WNK2: variants seen among roughly 807,000 people sequenced by gnomAD.
WNK2 encodes the protein serine/threonine-protein kinase WNK2.
Under a neutral mutation model 192.1 loss-of-function variants are expected in WNK2, and 67 were observed. That is an observed-to-expected ratio of 0.35 (90% CI 0.29 to 0.43). WNK2 has a LOEUF of 0.43. Ranked by LOEUF, WNK2 falls within the 20% of genes least tolerant of loss-of-function variation. WNK2 has a pLI of 1.00. For missense variants in WNK2, 2,698 were observed against 3,089.7 expected (o/e 0.87, Z 3.01); for synonymous variants, 1,439 against 1,393.9 (o/e 1.03, Z -0.72).
At chr9:93,211,183 C>T (rs1563996748) in intron 2 of WNK2, among the ~76,000 whole-genome samples, 21 of 151,830 alleles carry the variant, frequency 1.4e-4, no homozygotes, top group South Asian at 2.1e-4. Flanking sequence ...TACATCCACT[C>T]ATTCACACAC....
rs375797150 is a variant in WNK2, at chr9:93,261,800, C to T, written c.3067-14C>T. 233 of 1,579,076 alleles carry T rather than the reference C, an allele frequency of 1.5e-4. No homozygotes were observed. Among genetic ancestry groups the T allele is most frequent in the African/African-American group, 1.3e-3 (96 of 74,686 alleles). On this transcript the variant is annotated splice_polypyrimidine_tract_variant and intron_variant, in intron 12 of 29. Transcript: ENST00000427277. ...CGCCGGCCCTGACTTGCACCTTGTC[C>T]CCTGTGCCCCCAGATTCTGCTTGGC...
At chr9:93,224,521 G>A (rs1837477739) in intron 2 of WNK2, among the ~76,000 whole-genome samples, 1 of 152,240 alleles carries the variant, frequency 6.6e-6, no homozygotes, top group Non-Finnish European at 1.5e-5. Context: ...CACCCTGGCT[G>A]TGTGACTCGT....
At chr9:93,296,985 G>T in intron 23 of WNK2, among the ~76,000 whole-genome samples, 2 of 50,644 alleles carry the variant, frequency 3.9e-5, no homozygotes, top group East Asian at 5.3e-4. Flanking sequence ...TCCTCCCCTT[G>T]GCTTCCTCCC....
intron 8 of WNK2, among the ~76,000 whole-genome samples, chr9:93,250,495 G>A (rs1248804339): frequency 6.6e-6 from 1 of 152,204 alleles, no homozygotes; most frequent in African/African-American, 2.4e-5. Context: ...ACCTTGCTCT[G>A]GGATATGCTG....
chr9:93,197,787 T>C (rs1283306837), intron 2 of WNK2, among the ~76,000 whole-genome samples: 1 of 152,106 alleles, frequency 6.6e-6, no homozygotes, highest in African/African-American at 2.4e-5. Context: ...CCTCCCAAAG[T>C]GCTAGGATTA....
In WNK2 at chr9:93,289,077, G is replaced by C. The variant is rs573333947; in HGVS notation, c.4323G>C (p.Glu1441Asp). 187 of 1,607,588 alleles carry C rather than the reference G, an allele frequency of 1.2e-4. No individual in the cohort carries two copies. In the South Asian group the frequency reaches 1.9e-3, roughly 16 times the overall value. Residue 1441 changes from glutamate (E) to aspartate (D), a missense_variant, in exon 20 of 30, where the codon GAG (glutamate) becomes GAC (aspartate). By Grantham distance (45) the Glu-to-Asp change is conservative. Coordinates refer to ENST00000427277, the MANE Select transcript of WNK2 (RefSeq NM_006648.4). ...ETSQPLAETH[E>D]APLAVQPLVV... The stretch of plus-strand genomic sequence containing the variant: ...CTCAGCCACTAGCGGAGACTCACGA[G>C]GCCCCGCTTGCTGTGCAGCCCCTCG...
rs1302420013 is a variant in WNK2 at position 93,230,972 on chromosome 9, C to T, written c.939C>T (p.His313=). ...TCCTGAAGGGCCTGCTGTTCCTGCA[C>T]ACAAGGACGCCACCCATCATCCACC... ...RQILKGLLFL[H]TRTPPIIHRD... Residue 313 remains histidine, a synonymous_variant, in exon 4 of 30, where the codon CAC becomes CAT. Coordinates refer to ENST00000427277, the MANE Select transcript of WNK2 (RefSeq NM_006648.4). The T allele has an allele frequency of 4.3e-6, 7 of 1,613,812 alleles. No homozygotes were observed. Among genetic ancestry groups the T allele is most frequent in the Non-Finnish European group, 5.9e-6 (7 of 1,179,884 alleles).
At chr9:93,202,984 A>G (rs1316232806) in intron 2 of WNK2, among the ~76,000 whole-genome samples, 2 of 151,010 alleles carry the variant, frequency 1.3e-5, no homozygotes, top group Admixed American at 1.3e-4. Flanking sequence ...CGTGGCAACC[A>G]TTGGAGGAGA....
intron 14 of WNK2, chr9:93,263,314 A>AGAGG (rs1008213740): frequency 6.8e-5 from 38 of 559,638 alleles, no homozygotes; most frequent in Non-Finnish European, 1.1e-4. Context: ...CAGGAGACTG[A>AGAGG]GAGGATCAAG....
In WNK2 at chr9:93,239,310, G is replaced by A. The variant is rs1024506131; in HGVS notation, c.1323-447G>A. Among the ~76,000 whole-genome samples the A allele has an allele frequency of 6.6e-6, 1 of 152,214 alleles. No homozygotes were observed. Among genetic ancestry groups the A allele is most frequent in the African/African-American group, 2.4e-5 (1 of 41,436 alleles). The stretch of plus-strand genomic sequence containing the variant: ...AGGAAGCCCCCTTGAAAAGGTCACT[G>A]CTTCATGGCACTGGGCACAGGGAGC... On this transcript the variant is annotated intron_variant, in intron 6 of 29. Coordinates refer to ENST00000427277, the MANE Select transcript of WNK2 (RefSeq NM_006648.4). This position sits in a 1 kb window ranked among gnomAD's most constrained non-coding sequence, Gnocchi z 4.2.
chr9:93,206,656 C>G (rs1374998649), intron 2 of WNK2, among the ~76,000 whole-genome samples: 3 of 152,176 alleles, frequency 2.0e-5, no homozygotes, highest in Non-Finnish European at 4.4e-5. Flanking sequence ...GCTTGGCCCT[C>G]CCTTGCAGAA....
At chr9:93,186,592 G>GGCTGGGGCTA (rs569907164) in intron 2 of WNK2, among the ~76,000 whole-genome samples, 16 of 152,342 alleles carry the variant, frequency 1.1e-4, no homozygotes, top group Admixed American at 8.5e-4. Flanking sequence ...CCTGAAACGG[G>GGCTGGGGCTA]GCTGGGGCTA....
In WNK2 at chr9:93,243,584, G is replaced by A. The variant is rs557411819; in HGVS notation, c.1542+3608G>A. On this transcript the variant is annotated intron_variant, in intron 7 of 29. Transcript: ENST00000427277. ...TAAAGCACAACAATAAACAGCACCCGCCCCACTCTGCTAAGAACAGGGAAG... is the reference window on the plus strand; with the variant it reads ...TAAAGCACAACAATAAACAGCACCCACCCCACTCTGCTAAGAACAGGGAAG... Among the ~76,000 whole-genome samples the A allele has an allele frequency of 1.4e-4, 22 of 152,270 alleles. 1 individual carries two copies. The South Asian group carries it at 3.7e-3, about 26-fold the overall frequency.
chr9:93,268,189 C>G, intron 18 of WNK2, 124 bp downstream of exon 18: 1 of 1,336,234 alleles, frequency 7.5e-7, no homozygotes. Context: ...ACCAGGGGCC[C>G]CAGTCTGGGG....
At chr9:93,240,010 A>C in intron 7 of WNK2, 34 bp downstream of exon 7, 1 of 1,582,940 alleles carries the variant, frequency 6.3e-7, no homozygotes, top group South Asian at 1.1e-5. Flanking sequence ...AGGTGGGTGC[A>C]GGTGTTGGCA....
At chr9:93,286,470 A>G (rs1256148097) in intron 19 of WNK2, among the ~76,000 whole-genome samples, 1 of 152,224 alleles carries the variant, frequency 6.6e-6, no homozygotes, top group East Asian at 1.9e-4. Context: ...CTGAGCTATC[A>G]CCTCACACCT....
intron 2 of WNK2, among the ~76,000 whole-genome samples, 155 bp downstream of exon 2, chr9:93,185,765 A>G (rs2398818): frequency 0.93 from 141,106 of 152,298 alleles, 65,493 homozygotes; most frequent in African/African-American, 0.98. Context: ...GGCAGGATGC[A>G]TACCAGGTGT....
At position 93,256,461 on chromosome 9, in the gene WNK2, G is replaced by C; in HGVS notation, c.2190+7G>C. ...AGCACCCCCCGGCCAGCAGGTGAGT[G>C]TGGCACCTCCTGTGGCCACTGTCCC... On this transcript the variant is annotated splice_region_variant and intron_variant, in intron 10 of 29. Coordinates refer to ENST00000427277, the MANE Select transcript of WNK2 (RefSeq NM_006648.4). The C allele has an allele frequency of 6.6e-7, 1 of 1,517,584 alleles. No homozygotes were observed. The highest frequency in any genetic ancestry group is 2.0e-5 in the Admixed American group (1 of 49,868). The allele number at this position is 1,517,584 out of a possible 1,614,324, so 94.0% of individuals were successfully genotyped here.
intron 2 of WNK2, among the ~76,000 whole-genome samples, chr9:93,219,074 A>T (rs1836315742): frequency 6.6e-6 from 1 of 152,216 alleles, no homozygotes; most frequent in African/African-American, 2.4e-5. Context: ...GCCCGTGTTA[A>T]GCCCACCTGT....
Sources: allele counts gnomAD v4.1 joint callset (sites outside exome capture counted in the v4.1 genomes callset), GRCh38; gene constraint gnomAD v4.1.1; non-coding constraint Gnocchi (gnomAD v3.1); transcripts MANE v1.5; gene names NCBI Gene and HGNC (gene_info 2026-07-23, HGNC 2026-07-21).